Variants in RALGPS2 observed in about 807,000 individuals in gnomAD.
The protein encoded by RALGPS2 is Ral GEF with PH domain and SH3 binding motif 2, also known as ras-specific guanine nucleotide-releasing factor RalGPS2.
In RALGPS2, 43 loss-of-function variants were observed where a neutral mutation model predicts 86.8. That is an observed-to-expected ratio of 0.50 (90% confidence interval 0.39 to 0.64). RALGPS2 has a LOEUF of 0.64. RALGPS2 is among the 30% of genes least tolerant of loss of function. The pLI is 0.00. For synonymous variants in RALGPS2, 243 were observed against 231.3 expected, an observed-to-expected ratio of 1.05 and a Z score of -0.46; for missense variants, 536 against 694.6, an observed-to-expected ratio of 0.77 and a Z score of 2.57.
intron 1 of RALGPS2, among the ~76,000 whole-genome samples, chr1:178,766,648 C>T (rs1652523248): frequency 6.6e-6 from 1 of 152,130 alleles, no homozygotes; most frequent in Non-Finnish European, 1.5e-5. Context: ...TTTTAGATGA[C>T]CTACCTGCTC....
At chr1:178,754,685 T>C (rs1301104446) in intron 1 of RALGPS2, among the ~76,000 whole-genome samples, 1 of 152,220 alleles carries the variant, frequency 6.6e-6, no homozygotes, top group Non-Finnish European at 1.5e-5. Flanking sequence ...ACACCCAGAA[T>C]AGTGTTTGAC....
At chr1:178,896,392 A>G (rs1196082124) in intron 16 of RALGPS2, among the ~76,000 whole-genome samples, 2 of 151,916 alleles carry the variant, frequency 1.3e-5, no homozygotes, top group Non-Finnish European at 2.9e-5. Flanking sequence ...GTTCATTTGT[A>G]TAATGGTGGT....
intron 1 of RALGPS2, among the ~76,000 whole-genome samples, chr1:178,749,323 C>T (rs1203347955): frequency 6.6e-6 from 1 of 152,064 alleles, no homozygotes; most frequent in Non-Finnish European, 1.5e-5. Context: ...CTTGTCTTTA[C>T]TAAAAATACA....
rs1296641181 is a variant in RALGPS2 at position 178,917,768 on chromosome 1, C to T, written c.*1409C>T. 1 of 151,950 alleles carries T rather than the reference C, an allele frequency of 6.6e-6. No homozygotes were observed. The highest frequency in any genetic ancestry group is 1.5e-5 in the Non-Finnish European group (1 of 67,940). The allele number at this position is 151,950 out of a possible 1,614,324, so 9.4% of individuals were successfully genotyped here. A position where few individuals can be genotyped will look rare whatever the true frequency, so the allele number is the denominator to read the frequency against. ...GCCTTAGAATTTTAATGAAAAATGACACTCAAACAAAGGCTATATGTCGAA... is the reference window on the plus strand; with the variant it reads ...GCCTTAGAATTTTAATGAAAAATGATACTCAAACAAAGGCTATATGTCGAA... On this transcript the variant is annotated 3_prime_UTR_variant, in exon 20 of 20. Transcript: ENST00000367635.
intron 19 of RALGPS2, among the ~76,000 whole-genome samples, chr1:178,908,849 C>T (rs973789025): frequency 3.3e-5 from 5 of 152,306 alleles, no homozygotes; most frequent in African/African-American, 9.6e-5. Flanking sequence ...TTCTCCCATT[C>T]TCTAGGAATG....
rs981465010 is a variant in RALGPS2 at position 178,798,008 on chromosome 1, A to T, written c.214-10037A>T. On this transcript the variant is annotated intron_variant, in intron 4 of 19. Coordinates refer to ENST00000367635, the MANE Select transcript of RALGPS2 (RefSeq NM_152663.5). ...TGTAAAAAAAAAAAAAAAAAAAACC[A>T]CATAGCTTAGAAATATAAAAAAAAA... 9.5e-5 allele frequency among the ~76,000 whole-genome samples: 14 copies of T among 147,162 alleles called. No homozygotes were observed. In the East Asian group the frequency reaches 2.0e-3, roughly 21 times the overall value.
Position 178,886,171 on chromosome 1 carries a change from T to G in RALGPS2, c.1192+51T>G, listed in dbSNP as rs759806352. On this transcript the variant is annotated intron_variant, in intron 13 of 19. Coordinates refer to ENST00000367635, the MANE Select transcript of RALGPS2 (RefSeq NM_152663.5). ...TGCAATTTAACTTTAAATAAAAATG[T>G]TAATAAAACTTGGCTGGAAAAAAAC... is the stretch of plus-strand genomic sequence containing the variant. 3 of 1,566,918 alleles carry G rather than the reference T, an allele frequency of 1.9e-6. No homozygotes were observed. The East Asian group carries it at 6.8e-5, about 36-fold the overall frequency.
intron 4 of RALGPS2, among the ~76,000 whole-genome samples, chr1:178,806,752 C>T (rs575707802): frequency 2.0e-4 from 31 of 151,858 alleles, no homozygotes; most frequent in East Asian, 1.4e-3. Flanking sequence ...CAGTTTTCTT[C>T]GCTCCCTGCC....
intron 13 of RALGPS2, 124 bp downstream of exon 13, chr1:178,886,244 T>TA: frequency 1.1e-6 from 1 of 897,840 alleles, no homozygotes; most frequent in Non-Finnish European, 1.7e-6. Context: ...AAGTAGCAGT[T>TA]AAATATGGGA....
chr1:178,897,824 C>G, intron 17 of RALGPS2, 68 bp downstream of exon 17: 2 of 1,346,716 alleles, frequency 1.5e-6, no homozygotes. Flanking sequence ...AGAAAGCAGT[C>G]CTAATGGGAT....
intron 7 of RALGPS2, among the ~76,000 whole-genome samples, chr1:178,832,069 A>G (rs1460556456): frequency 6.6e-6 from 1 of 152,202 alleles, no homozygotes; most frequent in Non-Finnish European, 1.5e-5. Context: ...TCACATAACT[A>G]TATTTTGCAT....
At chr1:178,796,770 G>A (rs1654211080) in intron 4 of RALGPS2, among the ~76,000 whole-genome samples, 1 of 152,152 alleles carries the variant, frequency 6.6e-6, no homozygotes. Flanking sequence ...CTTTCATAGG[G>A]TAGGTGGTCA....
rs148990299 is a variant in RALGPS2, at chr1:178,920,416, A to G, written c.*4057A>G. ...GCAATTTTAGGGCATCAAGTATGAC[A>G]ATAATCATGTGCCCTCTTGCTCCTC... On this transcript the variant is annotated 3_prime_UTR_variant, in exon 20 of 20. Coordinates refer to ENST00000367635, the MANE Select transcript of RALGPS2 (RefSeq NM_152663.5). The G allele has an allele frequency of 1.1e-3, 163 of 152,132 alleles. No homozygotes were observed. The highest frequency in any genetic ancestry group is 3.8e-3 in the African/African-American group (156 of 41,552). The allele number at this position is 152,132 out of a possible 1,614,324, so 9.4% of individuals were successfully genotyped here.
chr1:178,777,503 A>C (rs1653155931), intron 2 of RALGPS2, among the ~76,000 whole-genome samples: 1 of 151,810 alleles, frequency 6.6e-6, no homozygotes, highest in Non-Finnish European at 1.5e-5. Context: ...ATCCCCATCA[A>C]GCTACCAATG....
chr1:178,865,174 C>A (rs1450099774), intron 8 of RALGPS2: 2 of 1,611,822 alleles, frequency 1.2e-6, no homozygotes, highest in Non-Finnish European at 1.7e-6. Flanking sequence ...AAAATATCCT[C>A]AAGCACTGTT....
intron 1 of RALGPS2, among the ~76,000 whole-genome samples, chr1:178,761,711 C>T (rs1402638825): frequency 6.6e-6 from 1 of 152,094 alleles, no homozygotes; most frequent in Non-Finnish European, 1.5e-5. Flanking sequence ...CAGGCACGCA[C>T]CATCACACCT....
chr1:178,765,735 A>T (rs1247498173), intron 1 of RALGPS2, among the ~76,000 whole-genome samples: 1 of 152,200 alleles, frequency 6.6e-6, no homozygotes, highest in Non-Finnish European at 1.5e-5. Context: ...GACATTCCCA[A>T]AGCGGCCATT....
chr1:178,752,924 A>G (rs1651760273), intron 1 of RALGPS2, among the ~76,000 whole-genome samples: 1 of 152,174 alleles, frequency 6.6e-6, no homozygotes, highest in Admixed American at 6.5e-5. Context: ...GGAATTTGTA[A>G]GATACAATTT....
At chr1:178,757,211 T>C (rs944987202) in intron 1 of RALGPS2, among the ~76,000 whole-genome samples, 5 of 152,192 alleles carry the variant, frequency 3.3e-5, no homozygotes, top group Admixed American at 1.3e-4. Flanking sequence ...TTGCGGTCTT[T>C]AGGGTTTTCT....
Sources: gnomAD v4.1 joint callset for allele counts (sites outside exome capture counted in the v4.1 genomes callset) on GRCh38, gnomAD v4.1.1 for gene constraint, MANE v1.5 for transcripts, NCBI Gene and HGNC (gene_info 2026-07-23, HGNC 2026-07-21) for gene names.